The following NAV2 variants were observed in gnomAD, a reference collection of about 807,000 sequenced individuals.
NAV2 encodes the protein neuron navigator 2.
In NAV2, 54 loss-of-function variants were observed where a neutral mutation model predicts 223.2. The ratio of observed to expected loss-of-function variants is 0.24; its 90% CI spans 0.19 to 0.30. The LOEUF (loss-of-function observed/expected upper bound fraction) is 0.30, where lower values mean the gene tolerates loss of function less well. Among genes scored for constraint, NAV2 ranks in the 10% least tolerant of loss-of-function variants. NAV2 has a pLI of 1.00. For missense variants in NAV2, 2,806 were observed against 3,147.5 expected (o/e 0.89, Z 2.60); for synonymous variants, 1,279 against 1,239.3 (o/e 1.03, Z -0.67).
chr11:19,397,153 C>T (rs1167186744), intron 1 of NAV2, among the ~76,000 whole-genome samples: 1 of 152,118 alleles, frequency 6.6e-6, no homozygotes, highest in Non-Finnish European at 1.5e-5. Context: ...CTATTCTTAG[C>T]TGCTTAGAGG....
At chr11:19,400,672 C>T (rs892871841) in intron 1 of NAV2, among the ~76,000 whole-genome samples, 3 of 152,156 alleles carry the variant, frequency 2.0e-5, no homozygotes, top group Non-Finnish European at 4.4e-5. Context: ...AAAAAGGTAC[C>T]CTTCTTCAAG....
intron 1 of NAV2, among the ~76,000 whole-genome samples, chr11:19,664,070 C>T (rs2048352275): frequency 6.6e-6 from 1 of 152,234 alleles, no homozygotes; most frequent in Non-Finnish European, 1.5e-5. Context: ...GGAAGCCTTT[C>T]TTCCCTCTCA....
At chr11:19,434,067 T>A (rs1851126372) in intron 1 of NAV2, among the ~76,000 whole-genome samples, 1 of 149,930 alleles carries the variant, frequency 6.7e-6, no homozygotes, top group Admixed American at 6.6e-5. Flanking sequence ...TGCAAACAAA[T>A]CACATGGCCT....
At chr11:19,393,830 G>A (rs977531130) in intron 1 of NAV2, among the ~76,000 whole-genome samples, 3 of 151,064 alleles carry the variant, frequency 2.0e-5, no homozygotes, top group African/African-American at 7.3e-5. Context: ...GAAATGTACT[G>A]GCTGCAGAGC....
chr11:20,095,824 G>A lies in NAV2; in HGVS notation c.6012+57G>A, dbSNP rs1348489024. ...CTACCTAACATGGGCATCCGGGCCTGGGGAGGAAAAGAGAGGTTGATGTCC... is the reference window on the plus strand; with the variant it reads ...CTACCTAACATGGGCATCCGGGCCTAGGGAGGAAAAGAGAGGTTGATGTCC... On this transcript the variant is annotated intron_variant, in intron 30 of 37. Transcript: ENST00000349880. 4.5e-6 allele frequency: 6 copies of A among 1,321,964 alleles called. No individual in the cohort carries two copies. The Admixed American group carries it at 1.0e-4, about 22-fold the overall frequency. The allele number at this position is 1,321,964 out of a possible 1,614,324, so 81.9% of individuals were successfully genotyped here. A position where few individuals can be genotyped will look rare whatever the true frequency, so the allele number is the denominator to read the frequency against.
intron 1 of NAV2, among the ~76,000 whole-genome samples, chr11:19,545,159 C>T (rs969024882): frequency 1.3e-5 from 2 of 152,202 alleles, no homozygotes; most frequent in Non-Finnish European, 2.9e-5. Flanking sequence ...GCCCTCCACG[C>T]CAGTGTGGGC....
At chr11:19,417,030 G>T (rs1011883656) in intron 1 of NAV2, among the ~76,000 whole-genome samples, 3 of 152,174 alleles carry the variant, frequency 2.0e-5, no homozygotes, top group Non-Finnish European at 4.4e-5. Flanking sequence ...CAGGATGTAG[G>T]CGTGGGCAAA....
At chr11:20,046,596 T>TCTCACACA (rs1554924598) in intron 14 of NAV2, among the ~76,000 whole-genome samples, 1 of 145,862 alleles carries the variant, frequency 6.9e-6, no homozygotes, top group Admixed American at 6.9e-5. Context: ...CCCCTCCCCA[T>TCTCACACA]CACACACACA....
rs1480156143 is a variant in NAV2 at position 19,847,533 on chromosome 11, G to T, written c.438+4610G>T. Among the ~76,000 whole-genome samples, 7 of 152,216 alleles carry T rather than the reference G, an allele frequency of 4.6e-5. No individual in the cohort carries two copies. The East Asian group carries it at 1.4e-3, about 29-fold the overall frequency. On this transcript the variant is annotated intron_variant, in intron 3 of 37. Coordinates refer to ENST00000349880, the MANE Select transcript of NAV2 (RefSeq NM_145117.5). ...CTGAGCTTGGGGACCAGCCAGGCCA[G>T]GTTTCTAATTCCTTTTCTGCTATTC...
At chr11:19,578,257 T>TGCTGCTGTA (rs1210270625) in intron 1 of NAV2, among the ~76,000 whole-genome samples, 17 of 152,250 alleles carry the variant, frequency 1.1e-4, no homozygotes, top group African/African-American at 1.7e-4. Flanking sequence ...ACGCTGCGCG[T>TGCTGCTGTA]GCTGCTGTAG....
In NAV2 at chr11:20,097,578, A is replaced by G; in HGVS notation, c.6014A>G (p.Glu2005Gly). 4 of 1,583,856 alleles carry G rather than the reference A, an allele frequency of 2.5e-6. No individual in the cohort carries two copies. The highest frequency in any genetic ancestry group is 2.6e-6 in the Non-Finnish European group (3 of 1,169,722). Residue 2005 changes from glutamate to glycine, a missense_variant and splice_region_variant, in exon 31 of 38, where the codon GAA (glutamate) becomes GGA (glycine). Glu to Gly is a moderately conservative substitution (Grantham distance 98, BLOSUM62 -2). Transcript: ENST00000349880. ...LDGVVRRLFKEYIIHVDPVSQ... is the reference protein window; with the variant it reads ...LDGVVRRLFKGYIIHVDPVSQ... ...GTCTTTATTTTTTATTTTTTCCAGG[A>G]ATACATCATTCATGTCGACCCAGTG...
intron 1 of NAV2, among the ~76,000 whole-genome samples, chr11:19,662,439 G>A (rs904173647): frequency 6.6e-6 from 1 of 152,342 alleles, no homozygotes; most frequent in Non-Finnish European, 1.5e-5. Flanking sequence ...TGGTTGGCAA[G>A]GTTCATAGCA....
At chr11:19,918,324 T>C (rs2153225939) in intron 6 of NAV2, among the ~76,000 whole-genome samples, 1 of 152,354 alleles carries the variant, frequency 6.6e-6, no homozygotes, top group Non-Finnish European at 1.5e-5. Flanking sequence ...CTGGGAGTGG[T>C]TGGGTCAATA....
chr11:19,916,740 C>G (rs1335961550), intron 6 of NAV2, among the ~76,000 whole-genome samples: 1 of 152,210 alleles, frequency 6.6e-6, no homozygotes, highest in Non-Finnish European at 1.5e-5. Flanking sequence ...GCCATGGGGT[C>G]TCTGGTGCAG....
chr11:19,546,923 G>T (rs1187208991), intron 1 of NAV2, among the ~76,000 whole-genome samples: 1 of 152,116 alleles, frequency 6.6e-6, no homozygotes, highest in African/African-American at 2.4e-5. Context: ...TTTACATCAG[G>T]GTCTGGGAGA....
chr11:19,798,297 C>T (rs1321117789), intron 1 of NAV2, among the ~76,000 whole-genome samples: 5 of 152,208 alleles, frequency 3.3e-5, no homozygotes, highest in Non-Finnish European at 5.9e-5. Flanking sequence ...GACGTGACTG[C>T]TTGACCGCTC....
intron 1 of NAV2, among the ~76,000 whole-genome samples, chr11:19,549,669 C>T (rs1425551453): frequency 6.6e-6 from 1 of 152,258 alleles, no homozygotes; most frequent in East Asian, 1.9e-4. Flanking sequence ...GAGGGGGCTC[C>T]TGCAGCAGAA....
At chr11:19,943,090 G>A (rs1279578171) in intron 8 of NAV2, among the ~76,000 whole-genome samples, 1 of 152,242 alleles carries the variant, frequency 6.6e-6, no homozygotes, top group African/African-American at 2.4e-5. Context: ...TGTGCGTGTG[G>A]TTAAGGTAAT....
chr11:19,587,730 G>A (rs138687733), intron 1 of NAV2, among the ~76,000 whole-genome samples: 3 of 152,308 alleles, frequency 2.0e-5, no homozygotes, highest in East Asian at 3.9e-4. Flanking sequence ...AAGTCACAAT[G>A]AGACTGACTG....
Sources: allele counts gnomAD v4.1 joint callset (sites outside exome capture counted in the v4.1 genomes callset), GRCh38; gene constraint gnomAD v4.1.1; transcripts MANE v1.5; gene names NCBI Gene and HGNC (gene_info 2026-07-23, HGNC 2026-07-21).